The following BORCS5 variants were observed in gnomAD, a reference collection of about 807,000 sequenced individuals.
BORCS5 encodes BLOC-1-related complex subunit 5.
BORCS5 carries 17 observed loss-of-function variants against 22.1 expected under a neutral mutation model. That is an observed-to-expected ratio of 0.77 (90% CI 0.53 to 1.15). BORCS5 has a LOEUF of 1.15. Among genes scored for constraint, BORCS5 ranks in the 50% most tolerant of loss-of-function variants. The pLI, the probability that BORCS5 is intolerant of heterozygous loss-of-function variation, is 0.00. For missense variants in BORCS5, 247 were observed against 253.2 expected (o/e 0.98, Z 0.17); for synonymous variants, 117 against 99.8 (o/e 1.17, Z -1.03).
chr12:12,359,538 T>C (rs1381820671), intron 1 of BORCS5, among the ~76,000 whole-genome samples: 1 of 151,958 alleles, frequency 6.6e-6, no homozygotes, highest in African/African-American at 2.4e-5. Flanking sequence ...ATTTTTGTAT[T>C]TTTAGTAGAG....
At chr12:12,437,645 G>T (rs950568492) in intron 3 of BORCS5, among the ~76,000 whole-genome samples, 1 of 152,182 alleles carries the variant, frequency 6.6e-6, no homozygotes, top group Non-Finnish European at 1.5e-5. Context: ...AAGAAAGCCA[G>T]ACTTTTGAAA....
At chr12:12,417,395 GA>G (rs886951124) in intron 2 of BORCS5, among the ~76,000 whole-genome samples, 3 of 152,108 alleles carry the variant, frequency 2.0e-5, no homozygotes, top group African/African-American at 7.2e-5. Flanking sequence ...GGCCTATCCT[GA>G]AAAATGTCCC....
intron 2 of BORCS5, among the ~76,000 whole-genome samples, chr12:12,375,609 A>C (rs1229660207): frequency 1.3e-5 from 2 of 152,160 alleles, no homozygotes; most frequent in Non-Finnish European, 2.9e-5. Context: ...ACAGAGTGAG[A>C]CCCTGTCTCT....
intron 3 of BORCS5, among the ~76,000 whole-genome samples, chr12:12,452,751 G>C (rs1942935158): frequency 6.6e-6 from 1 of 152,234 alleles, no homozygotes; most frequent in Non-Finnish European, 1.5e-5. Flanking sequence ...GCTAGAGAGA[G>C]GCGTCCAGGA....
intron 2 of BORCS5, among the ~76,000 whole-genome samples, chr12:12,396,177 G>A (rs778202933): frequency 1.3e-5 from 2 of 151,196 alleles, no homozygotes; most frequent in African/African-American, 2.5e-5. Flanking sequence ...TAGTAGAGAT[G>A]GGTTTCATCA....
intron 3 of BORCS5, among the ~76,000 whole-genome samples, chr12:12,440,742 G>A (rs1942667382): frequency 6.6e-6 from 1 of 152,164 alleles, no homozygotes; most frequent in Non-Finnish European, 1.5e-5. Flanking sequence ...GAGTTTCAGT[G>A]AGCTTGCTCA....
intron 2 of BORCS5, among the ~76,000 whole-genome samples, chr12:12,410,260 G>C (rs1724353259): frequency 6.6e-6 from 1 of 152,148 alleles, no homozygotes; most frequent in South Asian, 2.1e-4. Flanking sequence ...TTTGGCTTTT[G>C]TTGCCATTGC....
chr12:12,361,273 G>C lies in BORCS5; in HGVS notation c.126G>C (p.Gln42His). The change falls in exon 2 of 4, where the codon CAG becomes CAC. Residue 42 changes from glutamine to histidine, a missense_variant. By Grantham distance (24) the Gln-to-His change is conservative. Transcript: ENST00000314565. ...TTGTGGTTGTAGCTCAGGGCTCCCA[G>C]GCCTCACGGAACGTCAGCAACGATC... ...DDIVVVAQGS[Q>H]ASRNVSNDPD... The C allele has an allele frequency of 6.2e-7, 1 of 1,614,108 alleles. No homozygotes were observed. Among genetic ancestry groups the C allele is most frequent in the Admixed American group, 1.7e-5 (1 of 60,006 alleles).
At chr12:12,382,329 C>G (rs1394120042) in intron 2 of BORCS5, among the ~76,000 whole-genome samples, 1 of 150,862 alleles carries the variant, frequency 6.6e-6, no homozygotes, top group Non-Finnish European at 1.5e-5. Context: ...ACCAGTTCTC[C>G]CATAAACTAA....
At chr12:12,366,887 C>T (rs1863417989) in intron 2 of BORCS5, among the ~76,000 whole-genome samples, 1 of 152,172 alleles carries the variant, frequency 6.6e-6, no homozygotes, top group South Asian at 2.1e-4. Context: ...ATTTTTGTTA[C>T]TGACCTTGGA....
At chr12:12,458,119 TTTTTGTTTTG>T (rs763096548) in intron 3 of BORCS5, among the ~76,000 whole-genome samples, 42 of 152,256 alleles carry the variant, frequency 2.8e-4, no homozygotes, top group South Asian at 1.2e-3. Context: ...TGCCTACTGT[TTTTTGTTTTG>T]TTTTGTTTTG....
intron 2 of BORCS5, among the ~76,000 whole-genome samples, chr12:12,361,775 CA>C (rs2136014959): frequency 6.6e-6 from 1 of 152,254 alleles, no homozygotes; most frequent in East Asian, 1.9e-4. Context: ...GTGATCTGGA[CA>C]GTGGGTGGAC....
At chr12:12,459,849 A>C (rs1943071140) in intron 3 of BORCS5, among the ~76,000 whole-genome samples, 1 of 152,224 alleles carries the variant, frequency 6.6e-6, no homozygotes, top group African/African-American at 2.4e-5. Context: ...AAAATCAATT[A>C]ACAATATATT....
rs56340010 is a variant in BORCS5, at chr12:12,466,303, C to T, written c.*527C>T. The stretch of plus-strand genomic sequence containing the variant: ...TCACACCAAGCCCTTATCTGGGGCG[C>T]GTCTTCCTGCCCAGGTGGAACACTG... On this transcript the variant is annotated 3_prime_UTR_variant, in exon 4 of 4. Transcript: ENST00000314565. 0.068 allele frequency: 10,301 copies of T among 152,284 alleles called. 440 individuals are homozygous for T. The highest frequency in any genetic ancestry group is 0.09 in the Non-Finnish European group (6,127 of 68,094). 9.4% of individuals were successfully genotyped at this position (152,284 alleles called of 1,614,324 possible).
At chr12:12,431,469 C>T (rs1443038059) in intron 2 of BORCS5, among the ~76,000 whole-genome samples, 1 of 130,702 alleles carries the variant, frequency 7.7e-6, no homozygotes, top group South Asian at 2.3e-4. Flanking sequence ...GTGGCATGAT[C>T]GCGGCTCACT....
chr12:12,456,203 C>A (rs1010827444), intron 3 of BORCS5, among the ~76,000 whole-genome samples: 1 of 152,102 alleles, frequency 6.6e-6, no homozygotes, highest in Non-Finnish European at 1.5e-5. Flanking sequence ...GGAGGCTGAG[C>A]GGGTGGATGG....
At chr12:12,361,175 C>T (rs1863275710) in intron 1 of BORCS5, 31 bp from the exon 2 acceptor site, 4 of 1,595,214 alleles carry the variant, frequency 2.5e-6, no homozygotes, top group Non-Finnish European at 3.4e-6. Flanking sequence ...GCCTAATATG[C>T]ATCTCCTAAG....
chr12:12,375,094 C>T (rs1863620037), intron 2 of BORCS5, among the ~76,000 whole-genome samples: 1 of 152,160 alleles, frequency 6.6e-6, no homozygotes, highest in African/African-American at 2.4e-5. Flanking sequence ...TCACTGCAAC[C>T]TCTGCCTCCT....
rs551795304 is a variant in BORCS5 at position 12,450,506 on chromosome 12, T to G, written c.360+14721T>G. Among the ~76,000 whole-genome samples the G allele has an allele frequency of 9.2e-5, 14 of 152,350 alleles. No individual in the cohort carries two copies. In the East Asian group the frequency reaches 2.5e-3, roughly 27 times the overall value. On this transcript the variant is annotated intron_variant, in intron 3 of 3. Coordinates refer to ENST00000314565, the MANE Select transcript of BORCS5 (RefSeq NM_058169.6). Reference sequence around the variant, plus strand: ...ATTGTCCATGTTTTGTCTGGTAATTTATTATTTTTTTTATTAGAAAAGTAA... The same window carrying G: ...ATTGTCCATGTTTTGTCTGGTAATTGATTATTTTTTTTATTAGAAAAGTAA...
Sources: gnomAD v4.1 joint callset for allele counts (sites outside exome capture counted in the v4.1 genomes callset) on GRCh38, gnomAD v4.1.1 for gene constraint, MANE v1.5 for transcripts, NCBI Gene and HGNC (gene_info 2026-07-23, HGNC 2026-07-21) for gene names.